The following KDM2A variants were observed in gnomAD, a reference collection of about 807,000 sequenced individuals.
The protein encoded by KDM2A is lysine-specific demethylase 2A.
In KDM2A, 3 loss-of-function variants were observed where a neutral mutation model predicts 137.3. The ratio of observed to expected loss-of-function variants is 0.02; its 90% CI spans 0.01 to 0.06. KDM2A has a LOEUF of 0.06. Ranked by LOEUF, KDM2A falls within the 10% of genes least tolerant of loss-of-function variation. The pLI is 1.00. For missense variants in KDM2A, 738 were observed against 1,510.6 expected (o/e 0.49, Z 8.48); for synonymous variants, 512 against 541.5 (o/e 0.95, Z 0.76).
chr11:67,245,184 T>C lies in KDM2A; in HGVS notation c.1564-5T>C. ...ATATTTGACCTCACTGCTTTCTCTT[T>C]CCAGCTTAAATTCCCCACTCGGCCA... is the stretch of plus-strand genomic sequence containing the variant. On this transcript the variant is annotated splice_polypyrimidine_tract_variant and splice_region_variant and intron_variant, in intron 13 of 20. Transcript: ENST00000529006. This position sits in a 1 kb window ranked among gnomAD's most constrained non-coding sequence, Gnocchi z 4.1. 6.2e-7 allele frequency: 1 copy of C among 1,612,144 alleles called. No individual in the cohort carries two copies. Among genetic ancestry groups the C allele is most frequent in the South Asian group, 1.1e-5 (1 of 91,084 alleles).
chr11:67,250,113 G>A lies in KDM2A; in HGVS notation c.2083G>A (p.Glu695Lys). ...GCGGAAAATGGAAGAGAGTGACGAAGAAGCTGTGCAAGCCAAAGTCCTGCG... is the reference window on the plus strand; with the variant it reads ...GCGGAAAATGGAAGAGAGTGACGAAAAAGCTGTGCAAGCCAAAGTCCTGCG... ...QKRKMEESDE[E>K]AVQAKVLRPL... The change falls in exon 17 of 21, where the codon GAA becomes AAA. Residue 695 changes from glutamate to lysine, a missense_variant. Physicochemically the swap from Glu to Lys is moderately conservative, Grantham distance 56 (BLOSUM62 1). Coordinates refer to ENST00000529006, the MANE Select transcript of KDM2A (RefSeq NM_012308.3). This position sits in a 1 kb window ranked among gnomAD's most constrained non-coding sequence, Gnocchi z 7.1. The A allele has an allele frequency of 6.3e-7, 1 of 1,593,142 alleles. No homozygotes were observed. The highest frequency in any genetic ancestry group is 8.5e-7 in the Non-Finnish European group (1 of 1,170,060).
Position 67,122,643 on chromosome 11 carries a change from TTTTATTTA to T in KDM2A, c.42+1325_42+1332del, listed in dbSNP as rs561153207. Among the ~76,000 whole-genome samples, 509 of 144,638 alleles carry T rather than the reference TTTTATTTA, an allele frequency of 3.5e-3. 2 individuals carry two copies. Among genetic ancestry groups the T allele is most frequent in the African/African-American group, 5.1e-3 (197 of 38,272 alleles). The allele number at this position is 144,638 out of a possible 152,430, so 94.9% of individuals were successfully genotyped here. On this transcript the variant is annotated intron_variant, in intron 2 of 20. Transcript: ENST00000529006. ...TGGCCATGGCCTATTTTTTATTTAT[TTTTATTTA>T]TTTATTTATTTATTTATTTATTTAT...
At chr11:67,182,325 T>TAGTATAA (rs1375734710) in intron 5 of KDM2A, among the ~76,000 whole-genome samples, 2 of 152,168 alleles carry the variant, frequency 1.3e-5, no homozygotes, top group African/African-American at 4.8e-5. Flanking sequence ...GGCTGAGAAG[T>TAGTATAA]AGATACATTA....
intron 2 of KDM2A, among the ~76,000 whole-genome samples, chr11:67,151,103 T>C (rs1288384989): frequency 6.6e-6 from 1 of 152,180 alleles, no homozygotes; most frequent in Non-Finnish European, 1.5e-5. Flanking sequence ...GGTAACTGTA[T>C]GTTTGACCAA....
At chr11:67,128,108 T>G (rs910085906) in intron 2 of KDM2A, among the ~76,000 whole-genome samples, 7 of 148,942 alleles carry the variant, frequency 4.7e-5, no homozygotes, top group Non-Finnish European at 1.0e-4. Context: ...CCCCAAGTGA[T>G]CCTCTTACCT....
At chr11:67,166,475 G>A (rs1396268484) in intron 2 of KDM2A, among the ~76,000 whole-genome samples, 2 of 151,802 alleles carry the variant, frequency 1.3e-5, no homozygotes, top group African/African-American at 4.8e-5. Context: ...AGTGAGCCAC[G>A]GTGCCTGGCT....
chr11:67,137,063 C>A (rs1855984620), intron 2 of KDM2A, among the ~76,000 whole-genome samples: 1 of 152,108 alleles, frequency 6.6e-6, no homozygotes, highest in Non-Finnish European at 1.5e-5. Context: ...AGGAGGTAAC[C>A]AGGCAAAGAT....
intron 10 of KDM2A, among the ~76,000 whole-genome samples, chr11:67,223,901 TCTC>T (rs1407468626): frequency 1.3e-5 from 2 of 152,204 alleles, no homozygotes; most frequent in Non-Finnish European, 2.9e-5. Context: ...TTGTTGTCTC[TCTC>T]CTCTGTCTCC....
At chr11:67,190,482 A>G (rs1857325437) in intron 5 of KDM2A, among the ~76,000 whole-genome samples, 1 of 152,172 alleles carries the variant, frequency 6.6e-6, no homozygotes, top group East Asian at 1.9e-4. Flanking sequence ...AGAGAATACT[A>G]TGCGTGGTGG....
chr11:67,138,642 G>A (rs1159899553), intron 2 of KDM2A, among the ~76,000 whole-genome samples: 1 of 152,176 alleles, frequency 6.6e-6, no homozygotes, highest in East Asian at 1.9e-4. Flanking sequence ...TTAACCAGGT[G>A]TGGTGGTGTG....
At chr11:67,223,691 T>C (rs1858442478) in intron 10 of KDM2A, among the ~76,000 whole-genome samples, 1 of 152,190 alleles carries the variant, frequency 6.6e-6, no homozygotes, top group South Asian at 2.1e-4. Flanking sequence ...ACCACGGGCA[T>C]GAGCCACTAT....
chr11:67,233,136 G>T (rs987306992), intron 12 of KDM2A, among the ~76,000 whole-genome samples: 15 of 152,226 alleles, frequency 9.9e-5, no homozygotes, highest in African/African-American at 2.4e-4. Context: ...GGAACAATGG[G>T]TATGTATATT....
intron 2 of KDM2A, among the ~76,000 whole-genome samples, chr11:67,141,190 T>TA (rs1471566671): frequency 1.3e-5 from 2 of 152,096 alleles, no homozygotes; most frequent in Admixed American, 6.5e-5. Context: ...TTCTGTCCCT[T>TA]ATTATTTAAC....
At chr11:67,137,627 A>G (rs755988449) in intron 2 of KDM2A, among the ~76,000 whole-genome samples, 3 of 152,190 alleles carry the variant, frequency 2.0e-5, no homozygotes, top group Non-Finnish European at 2.9e-5. Context: ...TTTTATTGAA[A>G]TAGGGTACAC....
chr11:67,248,052 A>C lies in KDM2A; in HGVS notation c.1966-229A>C, dbSNP rs532129398. Among the ~76,000 whole-genome samples the C allele has an allele frequency of 3.9e-5, 6 of 152,378 alleles. No homozygotes were observed. The South Asian group carries it at 1.2e-3, about 32-fold the overall frequency. ...CAACATTTTACAGTGGAGAACACTG[A>C]GTCACAGAGACTAGAGCATTAGTCC... On this transcript the variant is annotated intron_variant, in intron 15 of 20. Transcript: ENST00000529006.
At chr11:67,189,314 A>C (rs1234761902) in intron 5 of KDM2A, among the ~76,000 whole-genome samples, 1 of 152,270 alleles carries the variant, frequency 6.6e-6, no homozygotes, top group Non-Finnish European at 1.5e-5. Context: ...AAGAAATCAC[A>C]TGGAAATTAG....
At chr11:67,125,393 C>G (rs1183111988) in intron 2 of KDM2A, among the ~76,000 whole-genome samples, 4 of 151,842 alleles carry the variant, frequency 2.6e-5, no homozygotes, top group Admixed American at 6.6e-5. Context: ...GTTCCCAAGG[C>G]TAGTCTTGAA....
intron 12 of KDM2A, among the ~76,000 whole-genome samples, chr11:67,233,678 G>T (rs1181702955): frequency 7.0e-6 from 1 of 143,776 alleles, no homozygotes; most frequent in South Asian, 2.3e-4. Flanking sequence ...AAATCCATTG[G>T]AGTAGTTTAA....
At position 67,207,652 on chromosome 11, in the gene KDM2A, C is replaced by T; in HGVS notation, c.450C>T (p.His150=). The T allele has an allele frequency of 6.2e-7, 1 of 1,613,020 alleles. No individual in the cohort carries two copies. The highest frequency in any genetic ancestry group is 8.5e-7 in the Non-Finnish European group (1 of 1,179,350). ...ATGTCATCAGCCTCGAGTTTAGCCACACCAGGCTGGAGAATATGGTGCAGA... is the reference window on the plus strand; with the variant it reads ...ATGTCATCAGCCTCGAGTTTAGCCATACCAGGCTGGAGAATATGGTGCAGA... ...LYNVISLEFS[H]TRLENMVQRP... Residue 150 remains histidine, a synonymous_variant, in exon 6 of 21, where the codon CAC becomes CAT. Coordinates refer to ENST00000529006, the MANE Select transcript of KDM2A (RefSeq NM_012308.3).
Sources: gnomAD v4.1 joint callset for allele counts (sites outside exome capture counted in the v4.1 genomes callset) on GRCh38, gnomAD v4.1.1 for gene constraint, Gnocchi (gnomAD v3.1) non-coding constraint, MANE v1.5 for transcripts, NCBI Gene and HGNC (gene_info 2026-07-23, HGNC 2026-07-21) for gene names.